Variants in AKAP1 observed in about 807,000 individuals in gnomAD.
The protein encoded by AKAP1 is A-kinase anchoring protein 1, also known as A-kinase anchor protein 1, mitochondrial.
A neutral mutation model predicts 79.8 loss-of-function variants in AKAP1; 32 were observed. The observed-to-expected ratio is 0.40, with a 90% CI of 0.30 to 0.54. The LOEUF is 0.54. Ranked by LOEUF, AKAP1 falls within the 20% of genes least tolerant of loss-of-function variation. The pLI is 0.47. For synonymous variants in AKAP1, 416 were observed against 466.7 expected (o/e 0.89, Z 1.40); for missense variants, 961 against 1,138.9 (o/e 0.84, Z 2.25).
At chr17:57,090,650 A>T (rs1567895654) in intron 1 of AKAP1, among the ~76,000 whole-genome samples, 1 of 152,220 alleles carries the variant, frequency 6.6e-6, no homozygotes, top group Non-Finnish European at 1.5e-5. Context: ...TCTGTGAGGG[A>T]GATATTCCCT....
chr17:57,117,075 AG>A (rs906285663), intron 8 of AKAP1, 148 bp downstream of exon 8: 4 of 819,566 alleles, frequency 4.9e-6, no homozygotes, highest in Non-Finnish European at 8.1e-6. Flanking sequence ...GTCTGGGCTT[AG>A]GCCCAGGAAC....
In AKAP1 at chr17:57,116,320, T is replaced by G. The variant is rs755897357; in HGVS notation, c.2432+59T>G. ...TGCTTGTTCTGGGATGCGTGATCTC[T>G]GCGTGGCTGGCTCAGTTGTGCCAGG... On this transcript the variant is annotated intron_variant, in intron 7 of 10. Transcript: ENST00000337714. 5.6e-6 allele frequency: 9 copies of G among 1,599,802 alleles called. No homozygotes were observed. In the East Asian group the frequency reaches 1.1e-4, roughly 20 times the overall value.
At position 57,116,237 on chromosome 17, in the gene AKAP1, A is replaced by G; in HGVS notation, c.2408A>G (p.Lys803Arg). 1.2e-6 allele frequency: 2 copies of G among 1,614,124 alleles called. No individual in the cohort carries two copies. Among genetic ancestry groups the G allele is most frequent in the East Asian group, 4.5e-5 (2 of 44,878 alleles). ...GACTACGGCGGATATAAGAGGGTGA[A>G]AGTAGACGTGCTCCGGCAAATCAGG... ...YVDYGGYKRV[K>R]VDVLRQIRSD... Residue 803 changes from lysine (K) to arginine (R), a missense_variant, in exon 7 of 11, where the codon AAA (lysine) becomes AGA (arginine). Transcript: ENST00000337714.
chr17:57,094,686 C>G (rs117180545), intron 1 of AKAP1: 4 of 149,494 alleles, frequency 2.7e-5, no homozygotes, highest in African/African-American at 9.9e-5. Context: ...TCATAGCTCA[C>G]TGCAGCCTTG....
chr17:57,117,781 C>A (rs1207434401), intron 8 of AKAP1, among the ~76,000 whole-genome samples: 2 of 152,098 alleles, frequency 1.3e-5, no homozygotes, highest in Non-Finnish European at 2.9e-5. Context: ...CCTTGGTAAA[C>A]CCCTGTCTCT....
chr17:57,096,471 T>C (rs1167195040), intron 1 of AKAP1: 1 of 152,288 alleles, frequency 6.6e-6, no homozygotes, highest in Non-Finnish European at 1.5e-5. Flanking sequence ...GGCTTCTCTG[T>C]GGGCCATCAC....
rs745439947 is a variant in AKAP1, at chr17:57,111,861, G to A, written c.1912G>A (p.Gly638Ser). 6.2e-7 allele frequency: 1 copy of A among 1,613,724 alleles called. No homozygotes were observed. The highest frequency in any genetic ancestry group is 2.2e-5 in the East Asian group (1 of 44,850). The change falls in exon 4 of 11, where the codon GGT becomes AGT. Residue 638 changes from glycine (G) to serine (S), a missense_variant. Around this residue, in one of 3 missense-constraint regions of AKAP1, gnomAD observed 629 missense variants for 781.1 expected, o/e 0.81. Transcript: ENST00000337714. ...TGTGAGTTTTCTGAAGCAAACATCT[G>A]GTGCCAAGATCTACATTTCAACCCT... Reference protein sequence around the residue: ...RYVSFLKQTSGAKIYISTLPY... With the variant: ...RYVSFLKQTSSAKIYISTLPY...
intron 2 of AKAP1, among the ~76,000 whole-genome samples, chr17:57,109,780 G>A (rs991102759): frequency 6.6e-6 from 1 of 152,202 alleles, no homozygotes; most frequent in African/African-American, 2.4e-5. Context: ...GGCTGGGTGC[G>A]GCTGCCAATT....
chr17:57,096,639 G>C (rs1273507698), intron 1 of AKAP1: 1 of 152,312 alleles, frequency 6.6e-6, no homozygotes, highest in African/African-American at 2.4e-5. Context: ...GGCTGGGCTG[G>C]GACCAACACC....
intron 2 of AKAP1, chr17:57,108,158 G>A (rs1340897824): frequency 2.0e-6 from 1 of 501,884 alleles, no homozygotes; most frequent in Non-Finnish European, 2.9e-6. Context: ...TTGTCCTGGA[G>A]CCATTCCCTC....
intron 3 of AKAP1, among the ~76,000 whole-genome samples, chr17:57,110,386 G>A (rs1410133464): frequency 1.3e-5 from 2 of 152,182 alleles, no homozygotes; most frequent in African/African-American, 4.8e-5. Context: ...TCTTATTCTT[G>A]TACTTCTCAA....
Position 57,106,164 on chromosome 17 carries a change from C to T in AKAP1, c.700C>T (p.Pro234Ser). The T allele has an allele frequency of 6.2e-7, 1 of 1,613,120 alleles. No individual in the cohort carries two copies. Among genetic ancestry groups the T allele is most frequent in the Non-Finnish European group, 8.5e-7 (1 of 1,179,392 alleles). Reference sequence around the variant, plus strand: ...CTTGGAATTGGAGAACAGCAAGGGCCCCAGCCTGGCCTCTTTAGAGGGGGA... The same window carrying T: ...CTTGGAATTGGAGAACAGCAAGGGCTCCAGCCTGGCCTCTTTAGAGGGGGA... ...HVLELENSKG[P>S]SLASLEGEED... Residue 234 changes from proline to serine, a missense_variant, in exon 2 of 11, where the codon CCC (proline) becomes TCC (serine). This residue lies in a region of AKAP1 where 224 missense variants were observed against 210.2 expected (regional missense o/e 1.07). Coordinates refer to ENST00000337714, the MANE Select transcript of AKAP1 (RefSeq NM_003488.4).
At chr17:57,115,588 G>C (rs1915532706) in intron 6 of AKAP1, among the ~76,000 whole-genome samples, 1 of 152,198 alleles carries the variant, frequency 6.6e-6, no homozygotes, top group Non-Finnish European at 1.5e-5. Flanking sequence ...CCCAGGTGCT[G>C]TCAGCACCTT....
At chr17:57,107,758 A>G (rs1007528615) in intron 2 of AKAP1, among the ~76,000 whole-genome samples, 1 of 151,374 alleles carries the variant, frequency 6.6e-6, no homozygotes, top group African/African-American at 2.4e-5. Flanking sequence ...GAGTGTTTTG[A>G]ATGGTTTTTA....
chr17:57,102,432 G>A (rs1914573512), intron 1 of AKAP1, among the ~76,000 whole-genome samples: 1 of 151,850 alleles, frequency 6.6e-6, no homozygotes, highest in Non-Finnish European at 1.5e-5. Context: ...GATTTAATGT[G>A]GGAGAGAATT....
rs190331145 is a variant in AKAP1 at position 57,120,653 on chromosome 17, A to T, written c.*329A>T. The stretch of plus-strand genomic sequence containing the variant: ...GTTCCATTCCCCTCTTCTTCCTTCT[A>T]TCTCCTTCCCCGGCAAAAACCAAAC... On this transcript the variant is annotated 3_prime_UTR_variant, in exon 11 of 11. Transcript: ENST00000337714. The T allele has an allele frequency of 4.8e-6, 1 of 207,336 alleles. No individual in the cohort carries two copies. Among genetic ancestry groups the T allele is most frequent in the Admixed American group, 5.4e-5 (1 of 18,556 alleles). The allele number at this position is 207,336 out of a possible 1,614,324, so 12.8% of individuals were successfully genotyped here.
chr17:57,117,867 G>T (rs1052761013), intron 8 of AKAP1, among the ~76,000 whole-genome samples: 1 of 152,136 alleles, frequency 6.6e-6, no homozygotes, highest in Non-Finnish European at 1.5e-5. Flanking sequence ...GAATGCTGCC[G>T]CAGCGCCTTG....
At chr17:57,104,352 T>C (rs937663045) in intron 1 of AKAP1, among the ~76,000 whole-genome samples, 1 of 152,214 alleles carries the variant, frequency 6.6e-6, no homozygotes, top group Non-Finnish European at 1.5e-5. Context: ...TGGTTCTCTG[T>C]TGTCTGCAGG....
chr17:57,115,201 A>G (rs556212079), intron 6 of AKAP1, among the ~76,000 whole-genome samples: 1 of 152,306 alleles, frequency 6.6e-6, no homozygotes, highest in Admixed American at 6.5e-5. Flanking sequence ...TGTCCTTATC[A>G]CAGAGGATGG....
Sources: allele counts gnomAD v4.1 joint callset (sites outside exome capture counted in the v4.1 genomes callset), GRCh38; gene constraint gnomAD v4.1.1; regional missense constraint gnomAD v4.1.1; transcripts MANE v1.5; gene names NCBI Gene and HGNC (gene_info 2026-07-23, HGNC 2026-07-21).